Variants in TULP4 observed in about 807,000 individuals in gnomAD.
TULP4 encodes the protein TUB like protein 4.
Under a neutral mutation model 129.0 loss-of-function variants are expected in TULP4, and 16 were observed. The observed-to-expected ratio is 0.12, with a 90% CI of 0.08 to 0.19. The LOEUF (loss-of-function observed/expected upper bound fraction) is 0.19, where lower values mean the gene tolerates loss of function less well. Ranked by LOEUF, TULP4 falls within the 10% of genes least tolerant of loss-of-function variation. The pLI is 1.00. For missense variants in TULP4, 1,842 were observed against 2,059.1 expected (o/e 0.89, Z 2.04); for synonymous variants, 998 against 854.0 (o/e 1.17, Z -2.94).
chr6:158,255,271 G>A (rs1235470211), intron 1 of TULP4, among the ~76,000 whole-genome samples: 1 of 152,110 alleles, frequency 6.6e-6, no homozygotes, highest in Non-Finnish European at 1.5e-5. Context: ...ATAACCGGCA[G>A]ACCCTGTCGA....
At chr6:158,251,067 G>C (rs1778130540) in intron 1 of TULP4, among the ~76,000 whole-genome samples, 1 of 152,212 alleles carries the variant, frequency 6.6e-6, no homozygotes, top group Admixed American at 6.5e-5. Flanking sequence ...AGACAGGGGA[G>C]GCTGGGCGCA....
At chr6:158,494,688 G>T (rs891931664) in intron 10 of TULP4, 65 bp from the exon 11 acceptor site, 11 of 1,432,854 alleles carry the variant, frequency 7.7e-6, no homozygotes, top group Non-Finnish European at 1.1e-5. Context: ...CATTCTTACT[G>T]AGTGACCAGT....
chr6:158,485,790 G>A (rs769561204), intron 8 of TULP4, among the ~76,000 whole-genome samples: 12 of 152,212 alleles, frequency 7.9e-5, no homozygotes, highest in Non-Finnish European at 1.2e-4. Context: ...TTTTCTTTGC[G>A]AGATTTGGGA....
At chr6:158,428,283 G>A (rs1247591477) in intron 2 of TULP4, 1 of 152,198 alleles carries the variant, frequency 6.6e-6, no homozygotes, top group African/African-American at 2.4e-5. Flanking sequence ...GGGCATTGAA[G>A]AAAGAGGGAC....
intron 1 of TULP4, among the ~76,000 whole-genome samples, chr6:158,378,462 A>ATTTTTTT (rs1777241430): frequency 6.0e-5 from 1 of 16,682 alleles, no homozygotes; most frequent in Non-Finnish European, 1.1e-4. Flanking sequence ...TGGGGGAGCC[A>ATTTTTTT]GTTTTTTTTT....
chr6:158,494,993 A>G, intron 11 of TULP4, 147 bp downstream of exon 11: 1 of 611,986 alleles, frequency 1.6e-6, no homozygotes, highest in South Asian at 2.6e-5. Flanking sequence ...TAACTTCACC[A>G]CAGTGATTTC....
chr6:158,383,161 A>G (rs1280616784), intron 1 of TULP4, among the ~76,000 whole-genome samples: 1 of 152,192 alleles, frequency 6.6e-6, no homozygotes, highest in African/African-American at 2.4e-5. Flanking sequence ...ATGGCCATTA[A>G]GATGCGGGGC....
At chr6:158,372,164 C>CTTTTTT (rs67123255) in intron 1 of TULP4, among the ~76,000 whole-genome samples, 8,961 of 83,058 alleles carry the variant, frequency 0.11, 1,113 homozygotes, top group Middle Eastern at 0.14. Flanking sequence ...ATTCTATCTG[C>CTTTTTT]TTTTTTTTTT....
At chr6:158,367,997 G>A (rs1364526401) in intron 1 of TULP4, among the ~76,000 whole-genome samples, 2 of 141,606 alleles carry the variant, frequency 1.4e-5, no homozygotes, top group Non-Finnish European at 3.0e-5. Context: ...GGGAGGCGAG[G>A]TATGAGGATC....
At chr6:158,297,025 G>C (rs373627210) in intron 1 of TULP4, among the ~76,000 whole-genome samples, 1 of 152,270 alleles carries the variant, frequency 6.6e-6, no homozygotes, top group Non-Finnish European at 1.5e-5. Flanking sequence ...AAATTTACCA[G>C]GGCTGGTGTT....
intron 1 of TULP4, among the ~76,000 whole-genome samples, chr6:158,264,634 A>G (rs1778417453): frequency 6.6e-6 from 1 of 152,104 alleles, no homozygotes; most frequent in Non-Finnish European, 1.5e-5. Flanking sequence ...CCTACTTTCA[A>G]AGGACTAGGA....
In TULP4 at chr6:158,503,434, T is replaced by G; in HGVS notation, c.3771T>G (p.Pro1257=). The change falls in exon 13 of 14, where the codon CCT becomes CCG. Residue 1257 remains proline, a synonymous_variant. Transcript: ENST00000367097. The surrounding 1 kb of genome is among the most constrained non-coding windows in gnomAD (Gnocchi z 4.3). ...SSTCSSLQLP[P]VALHPWSSYS... ...CGTGCTCTAGTTTACAGCTGCCACC[T>G]GTCGCCTTGCATCCATGGAGTTCCT... The G allele has an allele frequency of 6.2e-7, 1 of 1,614,038 alleles. No homozygotes were observed. Among genetic ancestry groups the G allele is most frequent in the Non-Finnish European group, 8.5e-7 (1 of 1,180,036 alleles).
chr6:158,378,485 T>TTTTTTGTG (rs1554285635), intron 1 of TULP4, among the ~76,000 whole-genome samples: 2 of 51,288 alleles, frequency 3.9e-5, no homozygotes, highest in Non-Finnish European at 7.8e-5. Context: ...TTTTTTTTTT[T>TTTTTTGTG]GGTGGGGGTG....
chr6:158,376,321 T>C (rs1367989774), intron 1 of TULP4, among the ~76,000 whole-genome samples: 3 of 152,200 alleles, frequency 2.0e-5, no homozygotes, highest in Admixed American at 6.5e-5. Context: ...TTGCTGGGCA[T>C]GTGGAAGGCT....
intron 1 of TULP4, among the ~76,000 whole-genome samples, chr6:158,244,991 A>AT (rs907099329): frequency 6.6e-6 from 1 of 151,786 alleles, no homozygotes; most frequent in African/African-American, 2.4e-5. Flanking sequence ...TTTAGACACA[A>AT]TTTTTTTATT....
At chr6:158,464,430 T>G (rs675453) in intron 6 of TULP4, among the ~76,000 whole-genome samples, 63,561 of 152,026 alleles carry the variant, frequency 0.42, 14,592 homozygotes, top group African/African-American at 0.62. Context: ...GGAGAAACAA[T>G]TGCTTGAGTT....
rs189197133 is a variant in TULP4 at position 158,401,173 on chromosome 6, A to G, written c.253-11892A>G. Among the ~76,000 whole-genome samples, 68 of 152,092 alleles carry G rather than the reference A, an allele frequency of 4.5e-4. 1 individual carries two copies. Among genetic ancestry groups the G allele is most frequent in the African/African-American group, 1.6e-3 (67 of 41,474 alleles). On this transcript the variant is annotated intron_variant, in intron 1 of 13. Coordinates refer to ENST00000367097, the MANE Select transcript of TULP4 (RefSeq NM_020245.5). ...ACTGCAGCCTGGACATCATGAGCTC[A>G]AGTCATCCTCCCACCTCAGCCTCCC...
chr6:158,445,860 G>A (rs1313186318), intron 3 of TULP4, among the ~76,000 whole-genome samples: 1 of 152,180 alleles, frequency 6.6e-6, no homozygotes, highest in African/African-American at 2.4e-5. Context: ...CTGGGGCTCA[G>A]GACAGAGGCC....
chr6:158,476,965 G>C (rs1398924164), intron 6 of TULP4, among the ~76,000 whole-genome samples: 2 of 152,154 alleles, frequency 1.3e-5, no homozygotes, highest in Non-Finnish European at 2.9e-5. Context: ...TACCTAGCCT[G>C]CCTTAGCCTC....
Sources: gnomAD v4.1 joint callset for allele counts (sites outside exome capture counted in the v4.1 genomes callset) on GRCh38, gnomAD v4.1.1 for gene constraint, Gnocchi (gnomAD v3.1) non-coding constraint, MANE v1.5 for transcripts, NCBI Gene and HGNC (gene_info 2026-07-23, HGNC 2026-07-21) for gene names.